The following PDE4D variants were observed in gnomAD, a reference collection of about 807,000 sequenced individuals.
The protein encoded by PDE4D is 3',5'-cyclic-AMP phosphodiesterase 4D.
Under a neutral mutation model 87.4 loss-of-function variants are expected in PDE4D, and 24 were observed. The ratio of observed to expected loss-of-function variants is 0.27; its 90% CI spans 0.20 to 0.39. PDE4D has a LOEUF of 0.39. PDE4D is among the 10% of genes least tolerant of loss of function. PDE4D has a pLI of 1.00. For synonymous variants in PDE4D, 384 were observed against 383.2 expected (o/e 1.00, Z -0.02); for missense variants, 714 against 1,041.0 (o/e 0.69, Z 4.32).
chr5:60,104,008 G>A lies in PDE4D; in HGVS notation c.42+81549C>T, dbSNP rs142020600. Among the ~76,000 whole-genome samples the A allele has an allele frequency of 7.4e-3, 1,124 of 152,262 alleles. 11 individuals carry two copies. The highest frequency in any genetic ancestry group is 0.026 in the African/African-American group (1,060 of 41,540). ...CACTAGGGAGTGCCAGACAGTGGGC[G>A]CAGGACAGTGGGTGCAGCACACTGT... is the stretch of plus-strand genomic sequence containing the variant. On this transcript the variant is annotated intron_variant, in intron 2 of 16. Coordinates refer to the PDE4D transcript ENST00000502484.
intron 1 of PDE4D, among the ~76,000 whole-genome samples, chr5:59,371,725 G>A (rs549664389): frequency 1.3e-5 from 2 of 152,196 alleles, no homozygotes; most frequent in Admixed American, 1.3e-4. Context: ...GATAAGTTTC[G>A]GTATGAATAT....
At chr5:59,531,351 C>T (rs1377974090) in intron 1 of PDE4D, among the ~76,000 whole-genome samples, 2 of 152,176 alleles carry the variant, frequency 1.3e-5, no homozygotes, top group African/African-American at 4.8e-5. Context: ...CTGATAACTT[C>T]CTATGTCATT....
rs574992234 is a variant in PDE4D at position 60,176,273 on chromosome 5, C to G, written c.42+9284G>C. Among the ~76,000 whole-genome samples the G allele has an allele frequency of 1.2e-4, 19 of 152,280 alleles. No homozygotes were observed. In the South Asian group the frequency reaches 3.9e-3, roughly 32 times the overall value. ...AAGGAAAAACAAATGATGCCATCCT[C>G]TTTCTTCTTGCAGGTGCCTGTCTCT... On this transcript the variant is annotated intron_variant, in intron 2 of 16. Transcript: ENST00000502484.
intron 1 of PDE4D, among the ~76,000 whole-genome samples, chr5:59,340,872 T>G (rs1027621087): frequency 2.6e-5 from 4 of 152,232 alleles, no homozygotes; most frequent in Non-Finnish European, 5.9e-5. Context: ...CATTCCTTTT[T>G]GTGGCTGAAT....
chr5:59,129,932 A>T (rs977348107), intron 5 of PDE4D, among the ~76,000 whole-genome samples: 1 of 152,214 alleles, frequency 6.6e-6, no homozygotes, highest in Non-Finnish European at 1.5e-5. Context: ...GTCCTATCAC[A>T]ATGCCTAGCA....
intron 1 of PDE4D, among the ~76,000 whole-genome samples, chr5:59,395,290 GACAA>G (rs1554157794): frequency 4.6e-5 from 7 of 152,200 alleles, no homozygotes; most frequent in Non-Finnish European, 1.0e-4. Flanking sequence ...GCAGGGCACA[GACAA>G]ACAAAAAGAC....
At chr5:59,509,893 CTT>C (rs36125698) in intron 1 of PDE4D, among the ~76,000 whole-genome samples, 2,555 of 146,504 alleles carry the variant, frequency 0.017, 76 homozygotes, top group East Asian at 0.13. Flanking sequence ...ATATTATAAA[CTT>C]TATAAATTAT....
chr5:59,299,704 C>T (rs188993556), intron 1 of PDE4D, among the ~76,000 whole-genome samples: 5 of 152,308 alleles, frequency 3.3e-5, no homozygotes. Context: ...CAAGTCCCTC[C>T]TATCTTTCTC....
intron 2 of PDE4D, among the ~76,000 whole-genome samples, chr5:60,027,709 A>G (rs1388394881): frequency 1.3e-5 from 2 of 152,232 alleles, no homozygotes; most frequent in Non-Finnish European, 2.9e-5. Flanking sequence ...TGGACACTCA[A>G]TAAAGATTTG....
At chr5:60,423,019 T>C (rs1306782918) in intron 1 of PDE4D, among the ~76,000 whole-genome samples, 2 of 152,174 alleles carry the variant, frequency 1.3e-5, no homozygotes, top group Admixed American at 6.5e-5. Flanking sequence ...ATGTACCCAA[T>C]ACAGGAGCAT....
At chr5:60,520,686 A>C (rs1750997883) in intron 1 of PDE4D, among the ~76,000 whole-genome samples, 1 of 152,228 alleles carries the variant, frequency 6.6e-6, no homozygotes, top group African/African-American at 2.4e-5. Context: ...ATTCAGGAAA[A>C]GAAGGCACCG....
chr5:59,984,007 A>G (rs1762168834), intron 3 of PDE4D, among the ~76,000 whole-genome samples: 1 of 151,882 alleles, frequency 6.6e-6, no homozygotes, highest in African/African-American at 2.4e-5. Context: ...TGCAATAAAA[A>G]CAAGCTGCTG....
At chr5:60,080,430 G>A (rs1241083529) in intron 2 of PDE4D, among the ~76,000 whole-genome samples, 1 of 152,110 alleles carries the variant, frequency 6.6e-6, no homozygotes, top group East Asian at 1.9e-4. Flanking sequence ...GAATAGGAGT[G>A]GTGAGAGAGG....
chr5:60,272,870 G>C (rs944137636), intron 1 of PDE4D, among the ~76,000 whole-genome samples: 2 of 152,098 alleles, frequency 1.3e-5, no homozygotes, highest in Non-Finnish European at 2.9e-5. Flanking sequence ...AAATATCCTG[G>C]AACAAGAAAC....
rs186461581 is a variant in PDE4D, at chr5:59,227,564, C to A, written c.456-11596G>T. 1.2e-4 allele frequency among the ~76,000 whole-genome samples: 19 copies of A among 152,196 alleles called. 1 individual carries two copies. Among genetic ancestry groups the A allele is most frequent in the Admixed American group, 1.1e-3 (17 of 15,286 alleles). On this transcript the variant is annotated intron_variant, in intron 1 of 14. Transcript: ENST00000340635. ...AACGAACATTCAAGCAAAAACCAAA[C>A]CGCCCCATTAAAAAGTGGGCAAAGG...
At chr5:59,520,473 A>T (rs571711565) in intron 1 of PDE4D, among the ~76,000 whole-genome samples, 33 of 152,326 alleles carry the variant, frequency 2.2e-4, no homozygotes, top group Admixed American at 1.0e-3. Context: ...GAAGGCTCAC[A>T]GTAGGTATTT....
chr5:60,158,612 G>T (rs1186965311), intron 2 of PDE4D, among the ~76,000 whole-genome samples: 1 of 152,144 alleles, frequency 6.6e-6, no homozygotes, highest in African/African-American at 2.4e-5. Context: ...GCCCAGGCTG[G>T]AGTGCAGTGG....
At position 59,751,522 on chromosome 5, in the gene PDE4D, A is replaced by C. The variant is rs527632179; in HGVS notation, c.455+141646T>G. Among the ~76,000 whole-genome samples, 4 of 151,528 alleles carry C rather than the reference A, an allele frequency of 2.6e-5. No individual in the cohort carries two copies. The South Asian group carries it at 8.4e-4, about 32-fold the overall frequency. On this transcript the variant is annotated intron_variant, in intron 1 of 14. Transcript: ENST00000340635. ...TGTCACTTCCTGTTATGTGGAGTGA[A>C]GCTGTTAGGAAAGATAACATCATCA...
At chr5:59,839,248 G>T (rs1742609394) in intron 1 of PDE4D, among the ~76,000 whole-genome samples, 1 of 151,496 alleles carries the variant, frequency 6.6e-6, no homozygotes, top group Admixed American at 6.6e-5. Flanking sequence ...CAGGCCTGGG[G>T]AAAACCCCAG....
Sources: gnomAD v4.1 joint callset for allele counts (sites outside exome capture counted in the v4.1 genomes callset) on GRCh38, gnomAD v4.1.1 for gene constraint, MANE v1.5 for transcripts, NCBI Gene and HGNC (gene_info 2026-07-23, HGNC 2026-07-21) for gene names.